Variants in GRIA2 observed in about 807,000 individuals in gnomAD.
GRIA2 encodes glutamate ionotropic receptor AMPA type subunit 2, also known as glutamate receptor 2.
Under a neutral mutation model 97.3 loss-of-function variants are expected in GRIA2, and 14 were observed. That is an observed-to-expected ratio of 0.14 (90% confidence interval 0.10 to 0.23). GRIA2 has a LOEUF of 0.23. GRIA2 is among the 10% of genes least tolerant of loss of function. The pLI is 1.00. For missense variants in GRIA2, 558 were observed against 1,069.8 expected (o/e 0.52, Z 6.67); for synonymous variants, 412 against 387.8 (o/e 1.06, Z -0.73).
intron 2 of GRIA2, among the ~76,000 whole-genome samples, chr4:157,231,955 C>T (rs984087403): frequency 6.6e-6 from 1 of 152,062 alleles, no homozygotes; most frequent in African/African-American, 2.4e-5. Context: ...TAATAATTCT[C>T]AAATGATATG....
At chr4:157,352,260 C>T (rs1736040963) in intron 12 of GRIA2, among the ~76,000 whole-genome samples, 1 of 151,952 alleles carries the variant, frequency 6.6e-6, no homozygotes, top group African/African-American at 2.4e-5. Context: ...TTTGGATATC[C>T]AGGTGTTATT....
chr4:157,318,912 G>C (rs1193734972), intron 5 of GRIA2, among the ~76,000 whole-genome samples: 1 of 152,116 alleles, frequency 6.6e-6, no homozygotes, highest in African/African-American at 2.4e-5. Flanking sequence ...TAGTTCTAGT[G>C]GTGACAGAAA....
intron 2 of GRIA2, among the ~76,000 whole-genome samples, chr4:157,248,982 C>T (rs1269209946): frequency 2.0e-5 from 3 of 151,596 alleles, no homozygotes; most frequent in East Asian, 2.0e-4. Context: ...GGCCTATAGG[C>T]GTGCAACACC....
intron 2 of GRIA2, among the ~76,000 whole-genome samples, chr4:157,297,333 T>C (rs1308294278): frequency 2.6e-5 from 4 of 152,108 alleles, no homozygotes; most frequent in Non-Finnish European, 4.4e-5. Flanking sequence ...TCTTGTGGAA[T>C]TGATGAATTT....
intron 2 of GRIA2, among the ~76,000 whole-genome samples, chr4:157,222,287 C>G (rs896214373): frequency 1.2e-4 from 18 of 152,274 alleles, no homozygotes; most frequent in African/African-American, 4.3e-4. Context: ...CGCTCTCGCC[C>G]GCTGCCCCCA....
chr4:157,225,340 T>C (rs1729694731), intron 2 of GRIA2, among the ~76,000 whole-genome samples: 1 of 152,036 alleles, frequency 6.6e-6, no homozygotes, highest in Non-Finnish European at 1.5e-5. Context: ...ATTCCCTTTT[T>C]CTTTTCCTCT....
At chr4:157,309,828 T>C (rs1343851967) in intron 3 of GRIA2, among the ~76,000 whole-genome samples, 2 of 152,174 alleles carry the variant, frequency 1.3e-5, no homozygotes, top group Non-Finnish European at 2.9e-5. Flanking sequence ...TTATATAGTA[T>C]GCTTTATAAT....
chr4:157,361,154 A>C lies in GRIA2; in HGVS notation c.2406+30A>C. 1 of 1,500,948 alleles carries C rather than the reference A, an allele frequency of 6.7e-7. No individual in the cohort carries two copies. Among genetic ancestry groups the C allele is most frequent in the South Asian group, 1.1e-5 (1 of 88,622 alleles). 93.0% of individuals were successfully genotyped at this position (1,500,948 alleles called of 1,614,324 possible). Reference sequence around the variant, plus strand: ...GCCCCAGTGAGAAAAGTAATGGGTAACTCAATGCAAAACAAAGTAAGCAGC... The same window carrying C: ...GCCCCAGTGAGAAAAGTAATGGGTACCTCAATGCAAAACAAAGTAAGCAGC... On this transcript the variant is annotated intron_variant, in intron 14 of 15. Transcript: ENST00000264426. This position sits in a 1 kb window ranked among gnomAD's most constrained non-coding sequence, Gnocchi z 5.2.
intron 2 of GRIA2, among the ~76,000 whole-genome samples, chr4:157,252,312 C>T (rs1405154208): frequency 1.3e-5 from 2 of 152,084 alleles, no homozygotes; most frequent in Non-Finnish European, 2.9e-5. Context: ...TGTCATAGGC[C>T]ATCCTTTTAC....
chr4:157,298,457 G>A (rs1733453936), intron 2 of GRIA2, among the ~76,000 whole-genome samples: 2 of 151,932 alleles, frequency 1.3e-5, no homozygotes, highest in African/African-American at 4.8e-5. Context: ...TCATGCATGA[G>A]CAGGAAGGGA....
In GRIA2 at chr4:157,303,636, G is replaced by C. The variant is rs1340364311; in HGVS notation, c.314G>C (p.Gly105Ala). The C allele has an allele frequency of 6.2e-7, 1 of 1,613,974 alleles. No homozygotes were observed. The highest frequency in any genetic ancestry group is 1.3e-5 in the African/African-American group (1 of 75,002). The change falls in exon 3 of 16, where the codon GGA becomes GCA. Residue 105 changes from glycine to alanine, a missense_variant. Transcript: ENST00000264426. ...GTAAATACCATCACATCATTTTGCG[G>C]AACACTCCACGTCTCCTTCATCACT... ...KSVNTITSFC[G>A]TLHVSFITPS...
chr4:157,346,700 C>T (rs896790331), intron 12 of GRIA2, among the ~76,000 whole-genome samples: 8 of 152,030 alleles, frequency 5.3e-5, no homozygotes, highest in African/African-American at 1.2e-4. Flanking sequence ...AAAATAGCAT[C>T]GTATACATAT....
At chr4:157,350,012 A>G (rs971212087) in intron 12 of GRIA2, among the ~76,000 whole-genome samples, 2 of 152,142 alleles carry the variant, frequency 1.3e-5, no homozygotes, top group Non-Finnish European at 2.9e-5. Flanking sequence ...TCATCCAAAC[A>G]ATTCTTGAAT....
intron 2 of GRIA2, among the ~76,000 whole-genome samples, chr4:157,252,061 A>G (rs1436018400): frequency 6.6e-6 from 1 of 152,158 alleles, no homozygotes; most frequent in Non-Finnish European, 1.5e-5. Context: ...TCCCTGCCAC[A>G]CACTCACAAA....
At chr4:157,220,530 C>CG (rs1729436845), upstream of GRIA2, 1 of 152,048 alleles carries the variant, frequency 6.6e-6, no homozygotes, top group Non-Finnish European at 1.5e-5. Flanking sequence ...CACGGTGGTG[C>CG]GGGGTGCCGG....
At chr4:157,303,517 A>G (rs1226551557) in intron 2 of GRIA2, 35 bp from the exon 3 acceptor site, 2 of 1,596,038 alleles carry the variant, frequency 1.3e-6, no homozygotes, top group South Asian at 1.1e-5. Flanking sequence ...GCCAATTTCA[A>G]TGATTTTTCC....
At chr4:157,362,661 A>G (rs770392190) in intron 14 of GRIA2, 138 bp from the exon 15 acceptor site, 32 of 764,096 alleles carry the variant, frequency 4.2e-5, no homozygotes, top group Non-Finnish European at 6.8e-5. Flanking sequence ...ACCATCTAAG[A>G]GAAAATCCAT....
intron 12 of GRIA2, among the ~76,000 whole-genome samples, chr4:157,346,774 G>T (rs955146944): frequency 3.3e-5 from 5 of 152,040 alleles, no homozygotes; most frequent in Admixed American, 2.0e-4. Flanking sequence ...GTTTTTTGGG[G>T]GCTTGATTAT....
intron 2 of GRIA2, among the ~76,000 whole-genome samples, chr4:157,299,991 C>G (rs1462055020): frequency 6.6e-6 from 1 of 151,696 alleles, no homozygotes; most frequent in African/African-American, 2.4e-5. Flanking sequence ...TTCTTTGCCT[C>G]CAGATGTGAC....
Sources: gnomAD v4.1 joint callset for allele counts (sites outside exome capture counted in the v4.1 genomes callset) on GRCh38, gnomAD v4.1.1 for gene constraint, Gnocchi (gnomAD v3.1) non-coding constraint, MANE v1.5 for transcripts, NCBI Gene and HGNC (gene_info 2026-07-23, HGNC 2026-07-21) for gene names.